The following SYN3 variants were observed in gnomAD, a reference collection of about 807,000 sequenced individuals.
The protein encoded by SYN3 is synapsin III.
Under a neutral mutation model 65.8 loss-of-function variants are expected in SYN3, and 35 were observed. The observed-to-expected ratio is 0.53, with a 90% CI of 0.41 to 0.70. SYN3 has a LOEUF of 0.70. SYN3 is among the 30% of genes least tolerant of loss of function. The pLI is 0.00. For synonymous variants in SYN3, 270 were observed against 292.9 expected (o/e 0.92, Z 0.80); for missense variants, 680 against 749.0 (o/e 0.91, Z 1.08).
chr22:32,641,834 AT>A (rs2059905881), intron 6 of SYN3, among the ~76,000 whole-genome samples: 2 of 152,134 alleles, frequency 1.3e-5, no homozygotes, highest in South Asian at 4.1e-4. Context: ...AATAAAGCTG[AT>A]ATTAAGAAAA....
At chr22:32,939,008 G>A (rs550490334) in intron 3 of SYN3, among the ~76,000 whole-genome samples, 1 of 151,134 alleles carries the variant, frequency 6.6e-6, no homozygotes, top group South Asian at 2.1e-4. Context: ...AGTCCAAAAT[G>A]TGTTAAAGGA....
intron 6 of SYN3, among the ~76,000 whole-genome samples, chr22:32,652,422 AAAACAAAGAAACAAAGTTTCTTTGTTGG>A (rs71320942): frequency 0.17 from 25,777 of 150,694 alleles, 3,191 homozygotes; most frequent in East Asian, 0.68. Context: ...TTTTTGGAAG[AAAACAAAGAAACAAAGTTTCTTTGTTGG>A]AAATGGCTAA....
intron 6 of SYN3, among the ~76,000 whole-genome samples, chr22:32,674,629 G>A (rs921135937): frequency 5.3e-5 from 8 of 152,170 alleles, no homozygotes; most frequent in African/African-American, 9.7e-5. Context: ...TCACAGAAAC[G>A]TCACTCTGGT....
chr22:32,946,710 T>C (rs2051124251), intron 3 of SYN3, among the ~76,000 whole-genome samples: 1 of 152,162 alleles, frequency 6.6e-6, no homozygotes, highest in African/African-American at 2.4e-5. Flanking sequence ...TTTTTTCCCT[T>C]ATTTTTAACA....
At chr22:32,931,506 A>C (rs1294476734) in intron 3 of SYN3, 25 bp from the exon 4 acceptor site, 6 of 1,538,914 alleles carry the variant, frequency 3.9e-6, no homozygotes, top group Non-Finnish European at 5.4e-6. Flanking sequence ...AAAGCAAAAA[A>C]GGATTCATCA....
chr22:32,570,110 A>G (rs1361891978), intron 7 of SYN3, among the ~76,000 whole-genome samples: 1 of 152,182 alleles, frequency 6.6e-6, no homozygotes, highest in African/African-American at 2.4e-5. Flanking sequence ...TTGCTCATGC[A>G]TAGCTTCCGA....
chr22:32,699,505 T>TGATGA (rs1466506565), intron 6 of SYN3, among the ~76,000 whole-genome samples: 2 of 152,028 alleles, frequency 1.3e-5, no homozygotes, highest in Non-Finnish European at 2.9e-5. Flanking sequence ...GAAACAGTTT[T>TGATGA]GATGAGATTT....
At chr22:32,906,291 A>C (rs1288299132) in intron 4 of SYN3, among the ~76,000 whole-genome samples, 2 of 151,382 alleles carry the variant, frequency 1.3e-5, no homozygotes, top group African/African-American at 4.9e-5. Context: ...AAACACAATG[A>C]ATCAAGATCC....
intron 4 of SYN3, among the ~76,000 whole-genome samples, chr22:32,919,840 C>T (rs1003916800): frequency 6.6e-6 from 1 of 152,180 alleles, no homozygotes; most frequent in East Asian, 1.9e-4. Context: ...AGCCACCCTT[C>T]TCTCTTCCCT....
At chr22:32,661,950 T>A (rs1033581596) in intron 6 of SYN3, among the ~76,000 whole-genome samples, 5 of 152,334 alleles carry the variant, frequency 3.3e-5, no homozygotes, top group African/African-American at 9.6e-5. Flanking sequence ...TGACAAAGGA[T>A]AATTTTTTTC....
chr22:33,018,742 A>G (rs1169056661), intron 1 of SYN3, among the ~76,000 whole-genome samples: 1 of 152,168 alleles, frequency 6.6e-6, no homozygotes, highest in Non-Finnish European at 1.5e-5. Flanking sequence ...TGGGTGACTC[A>G]TTGACACCCC....
At position 32,601,758 on chromosome 22, in the gene SYN3, G is replaced by A. The variant is rs139400844; in HGVS notation, c.712-5022C>T. On this transcript the variant is annotated intron_variant, in intron 6 of 13. Transcript: ENST00000358763. ...TGCTTGGATGGACAGTGGGGAAGCA[G>A]GATAGTTCTGGAACCGGGGAGCGAC... Among the ~76,000 whole-genome samples the A allele has an allele frequency of 4.0e-4, 61 of 152,284 alleles. 1 individual carries two copies. The East Asian group carries it at 0.011, about 27-fold the overall frequency.
chr22:32,779,928 T>C (rs2145821318), intron 6 of SYN3, among the ~76,000 whole-genome samples: 1 of 151,962 alleles, frequency 6.6e-6, no homozygotes, highest in South Asian at 2.1e-4. Flanking sequence ...CGCTCCCTTT[T>C]ATGGTGAGGC....
chr22:32,886,232 G>C (rs1372768068), intron 4 of SYN3, among the ~76,000 whole-genome samples: 1 of 152,126 alleles, frequency 6.6e-6, no homozygotes, highest in Non-Finnish European at 1.5e-5. Flanking sequence ...ATGAGGTCTG[G>C]CAACCCCTTG....
intron 6 of SYN3, among the ~76,000 whole-genome samples, chr22:32,629,403 C>A (rs920892077): frequency 1.3e-5 from 2 of 152,182 alleles, no homozygotes; most frequent in African/African-American, 4.8e-5. Flanking sequence ...CATTTGCTAT[C>A]CTTGTTATAT....
chr22:32,711,010 A>G (rs1193071790), intron 6 of SYN3, among the ~76,000 whole-genome samples: 2 of 151,602 alleles, frequency 1.3e-5, no homozygotes, highest in Admixed American at 6.6e-5. Flanking sequence ...GATGCTCTTC[A>G]CTCTTCTTCT....
intron 6 of SYN3, among the ~76,000 whole-genome samples, chr22:32,807,339 TA>T (rs1400966589): frequency 1.6e-4 from 4 of 24,284 alleles, no homozygotes; most frequent in Non-Finnish European, 2.1e-4. Flanking sequence ...AATTTATATA[TA>T]ATATATAAAT....
At chr22:32,680,024 G>A (rs1400824576) in intron 6 of SYN3, among the ~76,000 whole-genome samples, 15 of 151,794 alleles carry the variant, frequency 9.9e-5, no homozygotes, top group African/African-American at 3.6e-4. Context: ...TGAGGGCAGA[G>A]CCTAGTCTGC....
chr22:32,672,038 C>CTGG (rs2060378893), intron 6 of SYN3, among the ~76,000 whole-genome samples: 1 of 152,220 alleles, frequency 6.6e-6, no homozygotes, highest in South Asian at 2.1e-4. Context: ...GCAGTTGTTA[C>CTGG]AGAGAAAAGT....
Sources: allele counts gnomAD v4.1 joint callset (sites outside exome capture counted in the v4.1 genomes callset), GRCh38; gene constraint gnomAD v4.1.1; transcripts MANE v1.5; gene names NCBI Gene and HGNC (gene_info 2026-07-23, HGNC 2026-07-21).